Variants in CCSER2 observed in about 807,000 individuals in gnomAD.
CCSER2 encodes the protein serine-rich coiled-coil domain-containing protein 2.
Under a neutral mutation model 92.3 loss-of-function variants are expected in CCSER2, and 46 were observed. That is an observed-to-expected ratio of 0.50 (90% CI 0.39 to 0.64). The LOEUF is 0.64. Among genes scored for constraint, CCSER2 ranks in the 30% least tolerant of loss-of-function variants. The probability of loss-of-function intolerance (pLI) is 0.00; values close to 1 mark genes in which losing one functional copy is unlikely to be tolerated. For synonymous variants in CCSER2, 433 were observed against 431.4 expected (o/e 1.00, Z -0.04); for missense variants, 1,244 against 1,238.9 (o/e 1.00, Z -0.06).
At chr10:84,423,982 T>TAA (rs3044102) in intron 4 of CCSER2, among the ~76,000 whole-genome samples, 10,819 of 108,010 alleles carry the variant, frequency 0.1, 1,697 homozygotes, top group African/African-American at 0.34. Flanking sequence ...CCCCATCTCT[T>TAA]AAAAAAAAAA....
intron 7 of CCSER2, among the ~76,000 whole-genome samples, chr10:84,467,263 T>C (rs1384374769): frequency 6.6e-6 from 1 of 152,220 alleles, no homozygotes; most frequent in African/African-American, 2.4e-5. Flanking sequence ...TCCTCTTCTT[T>C]AAATGTTAGA....
chr10:84,492,546 T>G (rs1848231616), intron 9 of CCSER2, among the ~76,000 whole-genome samples: 1 of 152,230 alleles, frequency 6.6e-6, no homozygotes, highest in Non-Finnish European at 1.5e-5. Context: ...GCCTTTTTCC[T>G]AATCTAAGGG....
intron 1 of CCSER2, among the ~76,000 whole-genome samples, chr10:84,339,569 G>A (rs1354497671): frequency 5.3e-5 from 8 of 151,334 alleles, no homozygotes; most frequent in Non-Finnish European, 7.4e-5. Flanking sequence ...TCTGTCTCCC[G>A]GGTTCAAGTG....
rs1345683443 is a variant in CCSER2 at position 84,451,668 on chromosome 10, T to C, written c.2065-12265T>C. The stretch of plus-strand genomic sequence containing the variant: ...CAGATATGTACAGACGTAACAGATA[T>C]GTAAATGTGTAGGTTCAATAAAAAA... On this transcript the variant is annotated intron_variant, in intron 6 of 9. Transcript: ENST00000372088. Among the ~76,000 whole-genome samples, 4 of 152,284 alleles carry C rather than the reference T, an allele frequency of 2.6e-5. No individual in the cohort carries two copies. In the South Asian group the frequency reaches 8.3e-4, roughly 32 times the overall value.
intron 1 of CCSER2, among the ~76,000 whole-genome samples, chr10:84,357,447 TTGTG>T (rs1372766920): frequency 7.9e-6 from 1 of 127,214 alleles, no homozygotes; most frequent in Non-Finnish European, 1.6e-5. Flanking sequence ...TATTATATTT[TTGTG>T]TTTTTTTTTT....
At chr10:84,417,654 C>A in intron 3 of CCSER2, 117 bp from the exon 4 acceptor site, 2 of 498,790 alleles carry the variant, frequency 4.0e-6, no homozygotes, top group Non-Finnish European at 7.3e-6. Context: ...CTATTTTATT[C>A]TTTCAGTGCA....
At chr10:84,433,450 CAT>C (rs891207920) in intron 5 of CCSER2, among the ~76,000 whole-genome samples, 20 of 151,952 alleles carry the variant, frequency 1.3e-4, no homozygotes, top group Non-Finnish European at 2.1e-4. Context: ...CACACACACA[CAT>C]ACACAAGTAT....
intron 3 of CCSER2, among the ~76,000 whole-genome samples, chr10:84,401,620 A>G (rs1842124674): frequency 6.6e-6 from 1 of 152,256 alleles, no homozygotes; most frequent in Admixed American, 6.5e-5. Context: ...AAGAAATAAC[A>G]GTAATTCTAC....
intron 5 of CCSER2, 31 bp downstream of exon 5, chr10:84,425,924 G>A (rs750926027): frequency 1.3e-5 from 18 of 1,382,244 alleles, no homozygotes; most frequent in Non-Finnish European, 1.7e-5. Flanking sequence ...GATTTCATTT[G>A]CTGTCCTCTG....
chr10:84,373,832 A>T lies in CCSER2; in HGVS notation c.1614+17A>T. On this transcript the variant is annotated intron_variant, in intron 3 of 9. Transcript: ENST00000372088. ...AACAGCATAGTATGTATGGATTTAT[A>T]TACTCTTGGAATATTTTGTTTACCC... is the stretch of plus-strand genomic sequence containing the variant. The T allele has an allele frequency of 6.2e-7, 1 of 1,613,344 alleles. No individual in the cohort carries two copies. Among genetic ancestry groups the T allele is most frequent in the Non-Finnish European group, 8.5e-7 (1 of 1,179,606 alleles).
At chr10:84,463,819 A>G (rs1589736636) in intron 6 of CCSER2, 114 bp from the exon 7 acceptor site, 1 of 652,026 alleles carries the variant, frequency 1.5e-6, no homozygotes. Flanking sequence ...GTTCTTCACC[A>G]TGCTAGCATT....
chr10:84,398,063 C>T (rs547380590), intron 3 of CCSER2, among the ~76,000 whole-genome samples: 12 of 152,348 alleles, frequency 7.9e-5, no homozygotes, highest in African/African-American at 2.9e-4. Flanking sequence ...TCCTCTCTAG[C>T]TTACAAGTCA....
At position 84,429,106 on chromosome 10, in the gene CCSER2, A is replaced by T. The variant is rs115322729; in HGVS notation, c.1868+3213A>T. On this transcript the variant is annotated intron_variant, in intron 5 of 9. Transcript: ENST00000372088. The stretch of plus-strand genomic sequence containing the variant: ...TTTGATATCAGGACCACACAGATTG[A>T]ATTGGGAAGTATTCCTTTCACTTCT... 6.9e-3 allele frequency among the ~76,000 whole-genome samples: 1,050 copies of T among 151,256 alleles called. 10 individuals are homozygous for T. Among genetic ancestry groups the T allele is most frequent in the African/African-American group, 0.024 (987 of 41,026 alleles).
rs1219220375 is a variant in CCSER2 at position 84,438,585 on chromosome 10, A to C, written c.1942A>C (p.Lys648Gln). The change falls in exon 6 of 10, where the codon AAG becomes CAG. Residue 648 changes from lysine to glutamine, a missense_variant. Lys to Gln is a moderately conservative substitution (Grantham distance 53). Coordinates refer to ENST00000372088, the MANE Select transcript of CCSER2 (RefSeq NM_001284240.2). ...AGGGATGCCCTTTTTCCAGGCTCAG[A>C]AGATGTTTGTTGATGTACCAGAAAA... ...YGGMPFFQAQ[K>Q]MFVDVPENTV... 6.2e-7 allele frequency: 1 copy of C among 1,613,692 alleles called. No individual in the cohort carries two copies. The highest frequency in any genetic ancestry group is 8.5e-7 in the Non-Finnish European group (1 of 1,179,654).
chr10:84,366,124 A>G (rs1845763343), intron 1 of CCSER2, among the ~76,000 whole-genome samples: 1 of 152,120 alleles, frequency 6.6e-6, no homozygotes, highest in East Asian at 1.9e-4. Context: ...TTAAATTTTT[A>G]GTAGAGATGA....
rs905296317 is a variant in CCSER2 at position 84,425,763 on chromosome 10, C to A, written c.1738C>A (p.Pro580Thr). The change falls in exon 5 of 10, where the codon CCA (proline) becomes ACA (threonine). Residue 580 changes from proline (P) to threonine (T), a missense_variant. Pro to Thr is a conservative substitution (Grantham distance 38). Coordinates refer to ENST00000372088, the MANE Select transcript of CCSER2 (RefSeq NM_001284240.2). ...TGACAATATGAACCGCTTTGACCGA[C>A]CAGACAGAAATGTTCGGCAGCCTCA... Reference protein sequence around the residue: ...ECDNMNRFDRPDRNVRQPQEG... With the variant: ...ECDNMNRFDRTDRNVRQPQEG... The A allele has an allele frequency of 9.9e-6, 16 of 1,613,044 alleles. No homozygotes were observed. In the Middle Eastern group the frequency reaches 4.9e-4, roughly 50 times the overall value.
intron 9 of CCSER2, among the ~76,000 whole-genome samples, chr10:84,509,731 T>G (rs1311094281): frequency 6.6e-6 from 1 of 152,226 alleles, no homozygotes; most frequent in Non-Finnish European, 1.5e-5. Context: ...TTTACTCATT[T>G]GTGACTATAG....
chr10:84,380,694 C>CTT (rs34999469), intron 3 of CCSER2, among the ~76,000 whole-genome samples: 126 of 133,718 alleles, frequency 9.4e-4, no homozygotes, highest in Middle Eastern at 3.9e-3. Context: ...TGTTCCTTTT[C>CTT]TTTTTTTTTT....
chr10:84,412,570 C>T (rs930432988), intron 3 of CCSER2, among the ~76,000 whole-genome samples: 9 of 151,772 alleles, frequency 5.9e-5, no homozygotes, highest in African/African-American at 9.7e-5. Flanking sequence ...CGTGGGGGGA[C>T]GAAGTCTGGT....
Sources: gnomAD v4.1 joint callset for allele counts (sites outside exome capture counted in the v4.1 genomes callset) on GRCh38, gnomAD v4.1.1 for gene constraint, MANE v1.5 for transcripts, NCBI Gene and HGNC (gene_info 2026-07-23, HGNC 2026-07-21) for gene names.